NXPE4: variants seen among roughly 807,000 people sequenced by gnomAD.
NXPE4 encodes neurexophilin and PC-esterase domain family member 4, also known as NXPE family member 4.
In NXPE4, 42 loss-of-function variants were observed where a neutral mutation model predicts 33.3. The observed-to-expected ratio is 1.26, with a 90% CI of 0.98 to 1.63. The LOEUF is 1.63. NXPE4 is among the 40% of genes most tolerant of loss of function. NXPE4 has a pLI of 0.00. For missense variants in NXPE4, 709 were observed against 647.6 expected, an observed-to-expected ratio of 1.09 and a Z score of -1.03; for synonymous variants, 253 against 234.9, an observed-to-expected ratio of 1.08 and a Z score of -0.71.
chr11:114,609,859 C>T, the NXPE4 span, among the ~76,000 whole-genome samples: 27,019 of 145,524 alleles, frequency 0.19, 2,831 homozygotes, highest in South Asian at 0.23. Flanking sequence ...TATTGCCTCG[C>T]GGGTAACCAC....
At chr11:114,639,714 T>C in the NXPE4 span, among the ~76,000 whole-genome samples, 3 of 131,550 alleles carry the variant, frequency 2.3e-5, no homozygotes, top group Admixed American at 1.8e-4. Flanking sequence ...TTCTATAATA[T>C]ATAATATAGT....
At chr11:114,610,377 A>C in the NXPE4 span, among the ~76,000 whole-genome samples, 1 of 148,586 alleles carries the variant, frequency 6.7e-6, no homozygotes, top group Non-Finnish European at 1.5e-5. Flanking sequence ...GATAATAAAT[A>C]TTGCCTCGTG....
At chr11:114,625,860 C>T in the NXPE4 span, among the ~76,000 whole-genome samples, 18 of 152,188 alleles carry the variant, frequency 1.2e-4, no homozygotes, top group African/African-American at 1.7e-4. Context: ...TTGCCTCACT[C>T]GGGAAGCGCA....
At chr11:114,663,738 C>T in the NXPE4 span, among the ~76,000 whole-genome samples, 6 of 151,104 alleles carry the variant, frequency 4.0e-5, no homozygotes, top group East Asian at 3.9e-4. Context: ...TATCTATTGG[C>T]GAACTCAATA....
the NXPE4 span, among the ~76,000 whole-genome samples, chr11:114,647,938 G>A: frequency 6.6e-6 from 1 of 152,126 alleles, no homozygotes; most frequent in African/African-American, 2.4e-5. Flanking sequence ...CTGACCTCGT[G>A]ATCCACCTGC....
At chr11:114,633,360 T>A in the NXPE4 span, among the ~76,000 whole-genome samples, 1 of 141,802 alleles carries the variant, frequency 7.1e-6, no homozygotes, top group Non-Finnish European at 1.5e-5. Context: ...ATATTATATA[T>A]ACTATATAAT....
chr11:114,637,278 A>T, the NXPE4 span, among the ~76,000 whole-genome samples: 2 of 151,710 alleles, frequency 1.3e-5, no homozygotes, highest in African/African-American at 4.8e-5. Context: ...AGAGACTAGG[A>T]TTGCAATCCC....
intron 2 of NXPE4, among the ~76,000 whole-genome samples, chr11:114,591,343 A>G (rs1342045219): frequency 6.6e-6 from 1 of 152,206 alleles, no homozygotes; most frequent in Non-Finnish European, 1.5e-5. Context: ...TCTTACTACT[A>G]ATGAATCTAC....
the NXPE4 span, among the ~76,000 whole-genome samples, chr11:114,656,275 A>C: frequency 6.6e-6 from 1 of 152,184 alleles, no homozygotes; most frequent in Non-Finnish European, 1.5e-5. Flanking sequence ...CAAGGAAATA[A>C]GGGAGGATAC....
At chr11:114,661,087 A>T in the NXPE4 span, among the ~76,000 whole-genome samples, 1 of 152,288 alleles carries the variant, frequency 6.6e-6, no homozygotes, top group South Asian at 2.1e-4. Context: ...CAAACCATAA[A>T]CCATGATGAA....
chr11:114,631,237 G>A, the NXPE4 span, among the ~76,000 whole-genome samples: 29,366 of 151,446 alleles, frequency 0.19, 3,468 homozygotes, highest in African/African-American at 0.33. Context: ...TGTTTATTGC[G>A]GCATTATTCA....
the NXPE4 span, among the ~76,000 whole-genome samples, chr11:114,641,845 A>G: frequency 6.6e-6 from 1 of 152,072 alleles, no homozygotes; most frequent in Non-Finnish European, 1.5e-5. Context: ...AAGATTTTTT[A>G]AAGATTATTT....
chr11:114,675,419 C>A, the NXPE4 span, among the ~76,000 whole-genome samples: 1 of 151,564 alleles, frequency 6.6e-6, no homozygotes, highest in African/African-American at 2.4e-5. Context: ...AAAGACTCCA[C>A]CAAAAAACTG....
intron 4 of NXPE4, among the ~76,000 whole-genome samples, chr11:114,581,155 A>G (rs1335107420): frequency 6.6e-6 from 1 of 152,212 alleles, no homozygotes; most frequent in African/African-American, 2.4e-5. Flanking sequence ...TTGCAGAGAC[A>G]TAAAAGCTCT....
chr11:114,575,134 A>G (rs1033170558), intron 5 of NXPE4, among the ~76,000 whole-genome samples: 1 of 152,130 alleles, frequency 6.6e-6, no homozygotes, highest in Non-Finnish European at 1.5e-5. Flanking sequence ...ATTTGAGAAA[A>G]TCCAGCATCC....
chr11:114,611,780 C>T, the NXPE4 span, among the ~76,000 whole-genome samples: 39 of 150,992 alleles, frequency 2.6e-4, no homozygotes, highest in East Asian at 5.5e-3. Flanking sequence ...CACTGTTACC[C>T]GGTGGATAAT....
the NXPE4 span, among the ~76,000 whole-genome samples, chr11:114,633,506 A>G: frequency 6.6e-6 from 1 of 150,718 alleles, no homozygotes; most frequent in African/African-American, 2.4e-5. Context: ...GTACATGTGC[A>G]CAATGTGCAG....
At chr11:114,604,967 A>C in the NXPE4 span, among the ~76,000 whole-genome samples, 1 of 147,794 alleles carries the variant, frequency 6.8e-6, no homozygotes, top group African/African-American at 2.5e-5. Flanking sequence ...TGTTGCCTCT[A>C]GGGTAACCAC....
chr11:114,586,360 C>T (rs546747969), intron 2 of NXPE4, among the ~76,000 whole-genome samples: 37 of 152,242 alleles, frequency 2.4e-4, no homozygotes, highest in South Asian at 1.9e-3. Context: ...ACCTGGGATC[C>T]GAGGAAGATT....
Sources: gnomAD v4.1 joint callset for allele counts (sites outside exome capture counted in the v4.1 genomes callset) on GRCh38, gnomAD v4.1.1 for gene constraint, MANE v1.5 for transcripts, NCBI Gene and HGNC (gene_info 2026-07-23, HGNC 2026-07-21) for gene names.